The following ALX3 variants were observed in gnomAD, a reference collection of about 807,000 sequenced individuals.
The protein encoded by ALX3 is homeobox protein aristaless-like 3.
In ALX3, 17 loss-of-function variants were observed where a neutral mutation model predicts 26.3. That is an observed-to-expected ratio of 0.65 (90% CI 0.44 to 0.97). The LOEUF is 0.97. ALX3 is among the 50% of genes least tolerant of loss of function. The pLI is 0.00. For synonymous variants in ALX3, 208 were observed against 201.4 expected (o/e 1.03, Z -0.28); for missense variants, 461 against 466.5 (o/e 0.99, Z 0.11).
intron 1 of ALX3, among the ~76,000 whole-genome samples, chr1:110,068,461 G>A (rs993319104): frequency 6.6e-6 from 1 of 152,214 alleles, no homozygotes; most frequent in Non-Finnish European, 1.5e-5. Context: ...GCTAGCGGCC[G>A]CCAGGATCTC....
In ALX3 at chr1:110,064,701, G is replaced by A. The variant is rs147534614; in HGVS notation, c.480C>T (p.Phe160=). 20 of 1,614,102 alleles carry A rather than the reference G, an allele frequency of 1.2e-5. No individual in the cohort carries two copies. The African/African-American group carries it at 2.5e-4, about 20-fold the overall frequency. ...CCAGCTCCTCCAGCTGGAATGTGCT[G>A]AAGGTCGTGCGGTTACGACGCTTCT... is the stretch of plus-strand genomic sequence containing the variant. ...KSKKRRNRTT[F]STFQLEELEK... Residue 160 remains phenylalanine (F), a synonymous_variant, in exon 2 of 4, where the codon TTC becomes TTT. Transcript: ENST00000647563.
chr1:110,064,912 G>T lies in ALX3; in HGVS notation c.278-9C>A. 1 of 1,598,236 alleles carries T rather than the reference G, an allele frequency of 6.3e-7. No individual in the cohort carries two copies. Among genetic ancestry groups the T allele is most frequent in the Non-Finnish European group, 8.5e-7 (1 of 1,172,876 alleles). ...GGAGGTCTTCTCCTCAGCTGCAATG[G>T]AGAACACAAAAGGGAGGATGGCAAC... On this transcript the variant is annotated splice_polypyrimidine_tract_variant and intron_variant, in intron 1 of 3. Transcript: ENST00000647563.
intron 1 of ALX3, among the ~76,000 whole-genome samples, chr1:110,068,424 C>G (rs1653840162): frequency 3.3e-5 from 5 of 152,336 alleles, no homozygotes; most frequent in Admixed American, 3.3e-4. Flanking sequence ...GCTGGCAGCC[C>G]GTTGAACACC....
intron 1 of ALX3, among the ~76,000 whole-genome samples, chr1:110,069,065 G>A (rs973779131): frequency 2.6e-5 from 4 of 152,376 alleles, no homozygotes; most frequent in African/African-American, 9.6e-5. Context: ...CTCTGGCGGT[G>A]CTCACCGCAC....
rs1653616964 is a variant in ALX3, at chr1:110,060,773, T to C, written c.992A>G (p.Lys331Arg). 2 of 1,519,248 alleles carry C rather than the reference T, an allele frequency of 1.3e-6. No homozygotes were observed. Among genetic ancestry groups the C allele is most frequent in the Non-Finnish European group, 1.8e-6 (2 of 1,134,916 alleles). The allele number at this position is 1,519,248 out of a possible 1,614,324, so 94.1% of individuals were successfully genotyped here. A position where few individuals can be genotyped will look rare whatever the true frequency, so the allele number is the denominator to read the frequency against. Residue 331 changes from lysine (K) to arginine (R), a missense_variant, in exon 4 of 4, where the codon AAG (lysine) becomes AGG (arginine). Around this residue, in one of 3 missense-constraint regions of ALX3, gnomAD observed 169 missense variants for 178.0 expected, o/e 0.95. Transcript: ENST00000647563. ...KSPSLVSLRV[K>R]PKEPPGLLNW... Reference sequence around the variant, plus strand: ...CAGAAGGCCGGGTGGCTCCTTGGGCTTTACCCTGAGCGAGACGAGGCTTGG... The same window carrying C: ...CAGAAGGCCGGGTGGCTCCTTGGGCCTTACCCTGAGCGAGACGAGGCTTGG...
chr1:110,069,456 G>C (rs987356325), intron 1 of ALX3, among the ~76,000 whole-genome samples: 27 of 152,222 alleles, frequency 1.8e-4, no homozygotes, highest in Non-Finnish European at 2.6e-4. Flanking sequence ...TGCGGCGGAC[G>C]GCCGCAGAGC....
chr1:110,061,314 G>A, intron 3 of ALX3, 121 bp downstream of exon 3: 1 of 1,443,562 alleles, frequency 6.9e-7, no homozygotes, highest in Non-Finnish European at 9.6e-7. Flanking sequence ...AGAGAAAGAA[G>A]TGAAGTGGTG....
At chr1:110,069,380 C>A (rs905872844) in intron 1 of ALX3, among the ~76,000 whole-genome samples, 1 of 152,188 alleles carries the variant, frequency 6.6e-6, no homozygotes, top group Non-Finnish European at 1.5e-5. Flanking sequence ...GCCTAGGCTG[C>A]GGGATATGGC....
intron 1 of ALX3, among the ~76,000 whole-genome samples, 174 bp from the exon 2 acceptor site, chr1:110,065,077 G>A (rs1260509624): frequency 2.6e-5 from 4 of 152,176 alleles, no homozygotes. Context: ...AGGCCTGCCT[G>A]CTGAGCCTCC....
intron 1 of ALX3, among the ~76,000 whole-genome samples, chr1:110,068,314 C>G (rs575874459): frequency 6.6e-6 from 1 of 152,350 alleles, no homozygotes; most frequent in Admixed American, 6.5e-5. Context: ...CCCGCCACTT[C>G]CCACCAAGTA....
rs530157287 is a variant in ALX3, at chr1:110,061,257, G to A, written c.723+178C>T. The A allele has an allele frequency of 1.7e-4, 201 of 1,150,184 alleles. No homozygotes were observed. In the African/African-American group the frequency reaches 2.7e-3, roughly 15 times the overall value. The allele number at this position is 1,150,184 out of a possible 1,614,324, so 71.2% of individuals were successfully genotyped here. On this transcript the variant is annotated intron_variant, in intron 3 of 3. Transcript: ENST00000647563. Reference sequence around the variant, plus strand: ...CGAAATTTTCTTCTGTGATTCCTTTGTGTTCCGCATGCGTCATTCATGAGA... The same window carrying A: ...CGAAATTTTCTTCTGTGATTCCTTTATGTTCCGCATGCGTCATTCATGAGA...
At chr1:110,067,097 C>G (rs550143443) in intron 1 of ALX3, among the ~76,000 whole-genome samples, 1 of 152,296 alleles carries the variant, frequency 6.6e-6, no homozygotes, top group African/African-American at 2.4e-5. Context: ...CATCCCTCCA[C>G]TTTGGGAGAG....
chr1:110,060,599 C>G lies in ALX3; in HGVS notation c.*134G>C. The G allele has an allele frequency of 2.5e-6, 2 of 794,316 alleles. No individual in the cohort carries two copies. Among genetic ancestry groups the G allele is most frequent in the Non-Finnish European group, 3.8e-6 (2 of 519,772 alleles). 49.2% of individuals were successfully genotyped at this position (794,316 alleles called of 1,614,324 possible). The stretch of plus-strand genomic sequence containing the variant: ...GAGAAAAGACCCTGTAACGTGTTCC[C>G]TGCTGGGGGCTGACAGTGCCAGCTG... On this transcript the variant is annotated 3_prime_UTR_variant, in exon 4 of 4. Transcript: ENST00000647563.
intron 2 of ALX3, among the ~76,000 whole-genome samples, chr1:110,063,455 G>A (rs1653702143): frequency 6.6e-6 from 1 of 152,184 alleles, no homozygotes; most frequent in Non-Finnish European, 1.5e-5. Context: ...CCTGTTGGAT[G>A]CAGCCGTAGG....
chr1:110,060,933 G>A lies in ALX3; in HGVS notation c.832C>T (p.His278Tyr). 6.2e-7 allele frequency: 1 copy of A among 1,613,368 alleles called. No homozygotes were observed. Among genetic ancestry groups the A allele is most frequent in the East Asian group, 2.2e-5 (1 of 44,838 alleles). The change falls in exon 4 of 4, where the codon CAT becomes TAT. Residue 278 changes from histidine to tyrosine, a missense_variant. Coordinates refer to ENST00000647563, the MANE Select transcript of ALX3 (RefSeq NM_006492.3). ...SPCMSPYSHP[H>Y]GSVAGFMGVP... ...CCCATGAAGCCAGCCACACTCCCAT[G>A]GGGGTGGGAATATGGAGACATGCAT...
In ALX3 at chr1:110,060,664, A is replaced by AGGTGCTTCCTCCGTGGTGTCCAGGCAGG. The variant is rs144523285; in HGVS notation, c.*68_*69insCCTGCCTGGACACCACGGAGGAAGCACC. The AGGTGCTTCCTCCGTGGTGTCCAGGCAGG allele has an allele frequency of 0.6, 815,385 of 1,364,290 alleles. 249,236 individuals carry two copies. The highest frequency in any genetic ancestry group is 0.82 in the East Asian group (35,030 of 42,728). 84.5% of individuals were successfully genotyped at this position (1,364,290 alleles called of 1,614,324 possible). ...AGAACCATCTGGGGCTTGGAGGCAG[A>AGGTGCTTCCTCCGTGGTGTCCAGGCAGG]GGTGGGCTGGGAGCGACTGGGAATG... On this transcript the variant is annotated 3_prime_UTR_variant, in exon 4 of 4. Transcript: ENST00000647563.
Position 110,064,595 on chromosome 1 carries a change from G to A in ALX3, c.586C>T (p.Arg196Trp), listed in dbSNP as rs121908170. The change falls in exon 2 of 4, where the codon CGG becomes TGG. Residue 196 changes from arginine to tryptophan, a missense_variant. This residue lies in a region of ALX3 where 51 missense variants were observed against 82.4 expected (regional missense o/e 0.62). Transcript: ENST00000647563. ...CCTTGCAGTGCCCTCACCTGTACCCGGGCCTCAGTCAGGTCTGTGCGCAGG... is the reference window on the plus strand; with the variant it reads ...CCTTGCAGTGCCCTCACCTGTACCCAGGCCTCAGTCAGGTCTGTGCGCAGG... ...LALRTDLTEA[R>W]VQVWFQNRRA... 5 of 1,614,056 alleles carry A rather than the reference G, an allele frequency of 3.1e-6. No individual in the cohort carries two copies. The highest frequency in any genetic ancestry group is 2.5e-6 in the Non-Finnish European group (3 of 1,180,036).
rs746339603 is a variant in ALX3 at position 110,070,550 on chromosome 1, C to T, written c.63G>A (p.Ser21=). The change falls in exon 1 of 4, where the codon TCG becomes TCA. Residue 21 remains serine, a synonymous_variant. Coordinates refer to ENST00000647563, the MANE Select transcript of ALX3 (RefSeq NM_006492.3). ...VGPAPGPYVA[S]GDEPPGPQGT... is the part of the protein sequence containing the mutation. Reference sequence around the variant, plus strand: ...CCTGCGGGCCCGGAGGCTCGTCCCCCGAGGCCACATAGGGGCCGGGTGCAG... The same window carrying T: ...CCTGCGGGCCCGGAGGCTCGTCCCCTGAGGCCACATAGGGGCCGGGTGCAG... 25 of 1,306,740 alleles carry T rather than the reference C, an allele frequency of 1.9e-5. No homozygotes were observed. The highest frequency in any genetic ancestry group is 2.4e-5 in the Non-Finnish European group (25 of 1,025,552). 80.9% of individuals were successfully genotyped at this position (1,306,740 alleles called of 1,614,324 possible). A position where few individuals can be genotyped will look rare whatever the true frequency, so the allele number is the denominator to read the frequency against.
chr1:110,061,590 G>T (rs1202516940), intron 2 of ALX3, 27 bp from the exon 3 acceptor site: 3 of 1,613,604 alleles, frequency 1.9e-6, no homozygotes, highest in Non-Finnish European at 2.5e-6. Context: ...GGGGTTTGAG[G>T]GGGTGATAGG....
Sources: gnomAD v4.1 joint callset for allele counts (sites outside exome capture counted in the v4.1 genomes callset) on GRCh38, gnomAD v4.1.1 for gene constraint, gnomAD v4.1.1 regional missense constraint, MANE v1.5 for transcripts, NCBI Gene and HGNC (gene_info 2026-07-23, HGNC 2026-07-21) for gene names.